Variants in LRIG3 observed in about 807,000 individuals in gnomAD.
LRIG3 encodes the protein leucine rich repeats and immunoglobulin like domains 3.
In LRIG3, 76 loss-of-function variants were observed where a neutral mutation model predicts 114.5. The observed-to-expected ratio is 0.66, with a 90% CI of 0.55 to 0.80. LRIG3 has a LOEUF of 0.80. LRIG3 is among the 30% of genes least tolerant of loss of function. The pLI, the probability that LRIG3 is intolerant of heterozygous loss-of-function variation, is 0.00. For synonymous variants in LRIG3, 512 were observed against 519.8 expected (o/e 0.98, Z 0.20); for missense variants, 1,239 against 1,382.8 (o/e 0.90, Z 1.65).
At chr12:58,910,022 G>A (rs901153748) in intron 3 of LRIG3, among the ~76,000 whole-genome samples, 3 of 152,032 alleles carry the variant, frequency 2.0e-5, no homozygotes, top group Admixed American at 2.0e-4. Flanking sequence ...TACATGTTTC[G>A]GTGTCCTACC....
Position 58,887,926 on chromosome 12 carries a change from T to G in LRIG3, c.954A>C (p.Leu318=), listed in dbSNP as rs755647740. The change falls in exon 8 of 19, where the codon CTA becomes CTC. Residue 318 remains leucine, a synonymous_variant. Transcript: ENST00000320743. ...CTAACCTTGATAAGTGATTGAAAGT[T>G]AGGTCCCTGTAAAGAAAAAAGAGAA... is the stretch of plus-strand genomic sequence containing the variant. The part of the protein sequence containing the change: ...EFCQKLSELD[L]TFNHLSRLDD... 6.2e-7 allele frequency: 1 copy of G among 1,609,760 alleles called. No individual in the cohort carries two copies. Among genetic ancestry groups the G allele is most frequent in the Non-Finnish European group, 8.5e-7 (1 of 1,178,526 alleles).
intron 18 of LRIG3, chr12:58,873,765 C>G (rs887840284): frequency 4.4e-6 from 2 of 449,596 alleles, no homozygotes; most frequent in Non-Finnish European, 8.0e-6. Context: ...ACATGGCTGA[C>G]AAGCTGAGCT....
intron 3 of LRIG3, among the ~76,000 whole-genome samples, chr12:58,898,300 G>A (rs1247668257): frequency 2.6e-5 from 4 of 152,110 alleles, no homozygotes; most frequent in African/African-American, 9.7e-5. Context: ...GTAAACAGAG[G>A]GAAATGAAAT....
At position 58,874,650 on chromosome 12, in the gene LRIG3, C is replaced by T; in HGVS notation, c.2696-77G>A. The T allele has an allele frequency of 1.9e-6, 3 of 1,557,152 alleles. No individual in the cohort carries two copies. In the South Asian group the frequency reaches 3.6e-5, roughly 19 times the overall value. On this transcript the variant is annotated intron_variant, in intron 16 of 18. Transcript: ENST00000320743. ...CATTCTCCCCAGTTTTGGCATCTTC[C>T]ATATTTATAGATGAAAGTTTGACTA...
Position 58,878,987 on chromosome 12 carries a change from C to G in LRIG3, c.1920G>C (p.Gly640=), listed in dbSNP as rs1248373968. The G allele has an allele frequency of 6.2e-7, 1 of 1,614,194 alleles. No individual in the cohort carries two copies. The highest frequency in any genetic ancestry group is 2.2e-5 in the East Asian group (1 of 44,878). Residue 640 remains glycine, a synonymous_variant, in exon 14 of 19, where the codon GGG becomes GGC. Transcript: ENST00000320743. Reference sequence around the variant, plus strand: ...CCCGTGCAGCTGGGAAGTCTGTGCCCCCATCCTTCTGCCAGGCTATCTGGG... The same window carrying G: ...CCCGTGCAGCTGGGAAGTCTGTGCCGCCATCCTTCTGCCAGGCTATCTGGG... ...PAPQIAWQKD[G]GTDFPAARER...
In LRIG3 at chr12:58,876,432, T is replaced by C; in HGVS notation, c.2695+13A>G. 6.2e-7 allele frequency: 1 copy of C among 1,612,998 alleles called. No individual in the cohort carries two copies. Among genetic ancestry groups the C allele is most frequent in the Non-Finnish European group, 8.5e-7 (1 of 1,179,410 alleles). On this transcript the variant is annotated intron_variant, in intron 16 of 18. Transcript: ENST00000320743. ...CAAAACAATTACAGCCCACATTCAT[T>C]TTAAACACTTACCACTACTGTCATG...
intron 16 of LRIG3, among the ~76,000 whole-genome samples, chr12:58,875,846 C>T (rs903032449): frequency 2.2e-4 from 34 of 152,284 alleles, no homozygotes; most frequent in African/African-American, 7.9e-4. Flanking sequence ...TCAAGACAAG[C>T]CTGGCCAACA....
At chr12:58,883,675 C>A (rs972731054) in intron 10 of LRIG3, 84 bp from the exon 11 acceptor site, 5 of 900,154 alleles carry the variant, frequency 5.6e-6, no homozygotes, top group South Asian at 2.2e-5. Context: ...CCACTGCCCA[C>A]CCCATTTGCC....
intron 3 of LRIG3, among the ~76,000 whole-genome samples, chr12:58,904,609 T>C (rs1871991449): frequency 6.6e-6 from 1 of 152,140 alleles, no homozygotes; most frequent in Admixed American, 6.5e-5. Flanking sequence ...CACAGAAAGG[T>C]TGCCCAAAAT....
At chr12:58,872,859 G>C (rs1870785756) in intron 18 of LRIG3, 43 bp from the exon 19 acceptor site, 3 of 1,579,824 alleles carry the variant, frequency 1.9e-6, no homozygotes, top group African/African-American at 2.7e-5. Context: ...CCCTTTGCTA[G>C]CATGTGAATC....
chr12:58,874,010 A>C (rs754442943), intron 18 of LRIG3, 45 bp downstream of exon 18: 2 of 1,602,226 alleles, frequency 1.2e-6, no homozygotes, highest in Non-Finnish European at 1.7e-6. Context: ...CACAACTTGG[A>C]GTATGGATCC....
intron 16 of LRIG3, among the ~76,000 whole-genome samples, chr12:58,876,098 T>C (rs924510841): frequency 6.6e-6 from 1 of 152,238 alleles, no homozygotes; most frequent in East Asian, 1.9e-4. Flanking sequence ...TTAAAGAAAA[T>C]AATGTAAACC....
chr12:58,881,343 T>G (rs1436407187), intron 12 of LRIG3, among the ~76,000 whole-genome samples: 2 of 146,926 alleles, frequency 1.4e-5, no homozygotes, highest in African/African-American at 5.1e-5. Flanking sequence ...CAATCATGAT[T>G]AATCAACAAA....
At chr12:58,901,717 T>C (rs1871854891) in intron 3 of LRIG3, among the ~76,000 whole-genome samples, 1 of 152,140 alleles carries the variant, frequency 6.6e-6, no homozygotes, top group Non-Finnish European at 1.5e-5. Flanking sequence ...TCACAAGAAT[T>C]ATGCAGAAAA....
chr12:58,906,375 T>C (rs561586447), intron 3 of LRIG3, among the ~76,000 whole-genome samples: 1 of 152,316 alleles, frequency 6.6e-6, no homozygotes, highest in African/African-American at 2.4e-5. Flanking sequence ...CTTTGCAACT[T>C]TACCTCTGAA....
intron 15 of LRIG3, 78 bp downstream of exon 15, chr12:58,877,317 GCAAGA>G: frequency 1.4e-6 from 2 of 1,388,438 alleles, no homozygotes; most frequent in Middle Eastern, 2.1e-4. Flanking sequence ...AACTCAGACT[GCAAGA>G]CACACGTTCT....
At chr12:58,919,283 A>G (rs1872585110) in intron 1 of LRIG3, 1 of 1,055,490 alleles carries the variant, frequency 9.5e-7, no homozygotes, top group South Asian at 2.2e-5. Context: ...AAACTTGCAT[A>G]AGAGCTCCCT....
chr12:58,886,457 A>G (rs913735372), intron 9 of LRIG3, among the ~76,000 whole-genome samples: 1 of 151,816 alleles, frequency 6.6e-6, no homozygotes, highest in African/African-American at 2.4e-5. Context: ...AAAAATTCCT[A>G]CGGGGACAGT....
chr12:58,876,570 T>C lies in LRIG3; in HGVS notation c.2570A>G (p.Tyr857Cys), dbSNP rs1870925223. 8 of 1,614,166 alleles carry C rather than the reference T, an allele frequency of 5.0e-6. No individual in the cohort carries two copies. Among genetic ancestry groups the C allele is most frequent in the African/African-American group, 1.3e-5 (1 of 75,040 alleles). The change falls in exon 16 of 19, where the codon TAT (tyrosine) becomes TGT (cysteine). Residue 857 changes from tyrosine (Y) to cysteine (C), a missense_variant. Coordinates refer to ENST00000320743, the MANE Select transcript of LRIG3 (RefSeq NM_153377.5). ...ETNLPADIPS[Y>C]LSSQGTLADR... is the part of the protein sequence containing the mutation. ...AGCTAACGTTCCCTGAGATGACAAA[T>C]AACTAGGAATATCTGCTGGCAAGTT...
Sources: allele counts gnomAD v4.1 joint callset (sites outside exome capture counted in the v4.1 genomes callset), GRCh38; gene constraint gnomAD v4.1.1; transcripts MANE v1.5; gene names NCBI Gene and HGNC (gene_info 2026-07-23, HGNC 2026-07-21).